NDRG4: variants seen among roughly 807,000 people sequenced by gnomAD.
The protein encoded by NDRG4 is NDRG family member 4.
A neutral mutation model predicts 55.8 loss-of-function variants in NDRG4; 38 were observed. That is an observed-to-expected ratio of 0.68 (90% CI 0.53 to 0.89). The LOEUF (loss-of-function observed/expected upper bound fraction) is 0.89, where lower values mean the gene tolerates loss of function less well. NDRG4 is among the 40% of genes least tolerant of loss of function. The pLI is 0.00. For synonymous variants in NDRG4, 190 were observed against 182.7 expected, an observed-to-expected ratio of 1.04 and a Z score of -0.32; for missense variants, 455 against 468.6, an observed-to-expected ratio of 0.97 and a Z score of 0.27.
At chr16:58,501,118 G>C in intron 1 of NDRG4, 1 of 1,196,140 alleles carries the variant, frequency 8.4e-7, no homozygotes, top group Non-Finnish European at 1.0e-6. Flanking sequence ...AGAGGCAGGG[G>C]CAGACTCACC....
At position 58,510,669 on chromosome 16, in the gene NDRG4, T is replaced by G. The variant is rs1336386282; in HGVS notation, c.890T>G (p.Leu297Arg). The G allele has an allele frequency of 2.0e-6, 3 of 1,535,882 alleles. No homozygotes were observed. The highest frequency in any genetic ancestry group is 1.7e-6 in the Non-Finnish European group (2 of 1,146,898). The stretch of plus-strand genomic sequence containing the variant: ...GTTGCGTACTTGAAGGACCGAAGGC[T>G]GAGTGGAGGAGCAGGTAGCCCCACG... Reference protein sequence around the residue: ...GYIAYLKDRRLSGGAVPSASM... With the variant: ...GYIAYLKDRRRSGGAVPSASM... The change falls in exon 14 of 15, where the codon CTG becomes CGG. Residue 297 changes from leucine to arginine, a missense_variant. Leu to Arg is a moderately radical substitution (Grantham distance 102, BLOSUM62 -2). Transcript: ENST00000570248.
intron 5 of NDRG4, 104 bp downstream of exon 5, chr16:58,504,753 G>A: frequency 1.6e-6 from 2 of 1,246,560 alleles, no homozygotes. Flanking sequence ...AAGTGTCCCT[G>A]CTCTCGCTTC....
intron 2 of NDRG4, among the ~76,000 whole-genome samples, chr16:58,491,797 A>G (rs544134449): frequency 6.6e-6 from 1 of 152,050 alleles, no homozygotes; most frequent in Non-Finnish European, 1.5e-5. Context: ...TTGTTTAGAG[A>G]TAAGTCTGGC....
At position 58,504,419 on chromosome 16, in the gene NDRG4, C is replaced by T. The variant is rs199725657; in HGVS notation, c.309C>T (p.Phe103=). The change falls in exon 4 of 15, where the codon TTC becomes TTT. Residue 103 remains phenylalanine (F), a splice_region_variant and synonymous_variant. Coordinates refer to ENST00000570248, the MANE Select transcript of NDRG4 (RefSeq NM_001242835.2). Reference sequence around the variant, plus strand: ...TGCTCCCCAGCGTGGTGCAGCATTTCGGGTGAGTCCCCGCACAGCCCCTGC... The same window carrying T: ...TGCTCCCCAGCGTGGTGCAGCATTTTGGGTGAGTCCCCGCACAGCCCCTGC... The part of the protein sequence containing the change: ...AAMLPSVVQH[F]GFKYVIGIGV... 179 of 1,612,228 alleles carry T rather than the reference C, an allele frequency of 1.1e-4. No individual in the cohort carries two copies. The East Asian group carries it at 1.1e-3, about 10-fold the overall frequency.
intron 1 of NDRG4, among the ~76,000 whole-genome samples, chr16:58,486,700 TACAC>T (rs56119933): frequency 0.079 from 10,167 of 127,926 alleles, 533 homozygotes; most frequent in East Asian, 0.18. Context: ...CACTGGCTCC[TACAC>T]ACACACACAC....
At chr16:58,482,295 T>C (rs1171935741) in intron 1 of NDRG4, among the ~76,000 whole-genome samples, 2 of 152,182 alleles carry the variant, frequency 1.3e-5, no homozygotes, top group East Asian at 3.8e-4. Context: ...CCTTCACCCC[T>C]GTGGTTGAAG....
intron 1 of NDRG4, among the ~76,000 whole-genome samples, chr16:58,471,501 CTG>C (rs2032817963): frequency 6.6e-6 from 1 of 152,034 alleles, no homozygotes; most frequent in African/African-American, 2.4e-5. Context: ...CACCATGACA[CTG>C]TTATATAAAC....
chr16:58,478,144 A>G (rs907988517), intron 1 of NDRG4, among the ~76,000 whole-genome samples: 1 of 152,130 alleles, frequency 6.6e-6, no homozygotes, highest in Non-Finnish European at 1.5e-5. Context: ...TAATCCCAGC[A>G]CTTTGAGAGG....
chr16:58,509,074 T>C, intron 11 of NDRG4, 65 bp downstream of exon 11: 1 of 1,613,902 alleles, frequency 6.2e-7, no homozygotes. Context: ...AGGGAGGTGT[T>C]TTCCTGGGGT....
At chr16:58,509,623 G>C (rs1323391673) in intron 13 of NDRG4, among the ~76,000 whole-genome samples, 1 of 151,986 alleles carries the variant, frequency 6.6e-6, no homozygotes, top group Non-Finnish European at 1.5e-5. Flanking sequence ...TGGGCCTACT[G>C]GGGGAAGGGA....
intron 1 of NDRG4, chr16:58,475,509 C>T (rs1289356359): frequency 1.2e-5 from 5 of 419,000 alleles, no homozygotes; most frequent in Non-Finnish European, 9.5e-6. Context: ...GGTGGGTCTC[C>T]AAGAAAAATA....
At position 58,506,275 on chromosome 16, in the gene NDRG4, A is replaced by T. The variant is rs781087735; in HGVS notation, c.373-112A>T. The T allele has an allele frequency of 6.9e-6, 7 of 1,011,402 alleles. No individual in the cohort carries two copies. The East Asian group carries it at 1.7e-4, about 24-fold the overall frequency. The allele number at this position is 1,011,402 out of a possible 1,614,324, so 62.7% of individuals were successfully genotyped here. A position where few individuals can be genotyped will look rare whatever the true frequency, so the allele number is the denominator to read the frequency against. ...TCTGGACATGGGTGTGCATGCACAGACCCGGCTGTAGCCGGGTGGCTGATC... is the reference window on the plus strand; with the variant it reads ...TCTGGACATGGGTGTGCATGCACAGTCCCGGCTGTAGCCGGGTGGCTGATC... On this transcript the variant is annotated intron_variant, in intron 5 of 14. Transcript: ENST00000570248.
intron 1 of NDRG4, among the ~76,000 whole-genome samples, chr16:58,480,186 T>A (rs2034224249): frequency 6.6e-6 from 1 of 152,222 alleles, no homozygotes; most frequent in Non-Finnish European, 1.5e-5. Context: ...AGTGGCACGA[T>A]CTAGGCTCAC....
At chr16:58,502,445 G>C (rs1887499373) in intron 1 of NDRG4, among the ~76,000 whole-genome samples, 2 of 152,322 alleles carry the variant, frequency 1.3e-5, no homozygotes, top group African/African-American at 2.4e-5. Flanking sequence ...GCAAGTCAAA[G>C]AGTGTTCTCC....
At position 58,464,537 on chromosome 16, in the gene NDRG4, G is replaced by C. The variant is rs919499051; in HGVS notation, c.-24+740G>C. 3.2e-6 allele frequency: 4 copies of C among 1,265,400 alleles called. No homozygotes were observed. Among genetic ancestry groups the C allele is most frequent in the Non-Finnish European group, 3.0e-6 (3 of 994,628 alleles). The allele number at this position is 1,265,400 out of a possible 1,614,324, so 78.4% of individuals were successfully genotyped here. A position where few individuals can be genotyped will look rare whatever the true frequency, so the allele number is the denominator to read the frequency against. On this transcript the variant is annotated intron_variant, in intron 1 of 15. Transcript: ENST00000258187. This position sits in a 1 kb window ranked among gnomAD's most constrained non-coding sequence, Gnocchi z 4.8. The stretch of plus-strand genomic sequence containing the variant: ...GAGCGGACTCCGGGCGCGGCGGCCG[G>C]GGACTGGGGCGGCTCGGGTCTGAGC...
rs1299275712 is a variant in NDRG4 at position 58,507,008 on chromosome 16, T to C, written c.613T>C (p.Tyr205His). Reference sequence around the variant, plus strand: ...CAACCTGCAGCTCTTCTGGAACATGTACAACAGGTGCGGGTGGGATCAGCA... The same window carrying C: ...CAACCTGCAGCTCTTCTGGAACATGCACAACAGGTGCGGGTGGGATCAGCA... ...QANLQLFWNM[Y>H]NSRRDLDINR... Residue 205 changes from tyrosine (Y) to histidine (H), a missense_variant, in exon 8 of 15, where the codon TAC (tyrosine) becomes CAC (histidine). Transcript: ENST00000570248. The C allele has an allele frequency of 5.0e-6, 8 of 1,613,104 alleles. No homozygotes were observed. Among genetic ancestry groups the C allele is most frequent in the East Asian group, 4.5e-5 (2 of 44,858 alleles).
rs2038989744 is a variant in NDRG4, at chr16:58,513,241, C to G, written c.*1665C>G. 6.6e-6 allele frequency: 1 copy of G among 151,976 alleles called. No homozygotes were observed. The highest frequency in any genetic ancestry group is 1.5e-5 in the Non-Finnish European group (1 of 68,026). 9.4% of individuals were successfully genotyped at this position (151,976 alleles called of 1,614,324 possible). On this transcript the variant is annotated 3_prime_UTR_variant, in exon 15 of 15. Coordinates refer to ENST00000570248, the MANE Select transcript of NDRG4 (RefSeq NM_001242835.2). ...TGTGGTGTTCTTCTGGAGGTTGTCT[C>G]TTTGGTCAAGGTGAACTTTTAATGT...
At chr16:58,485,558 A>G (rs548205782) in intron 1 of NDRG4, among the ~76,000 whole-genome samples, 3 of 152,280 alleles carry the variant, frequency 2.0e-5, no homozygotes, top group African/African-American at 7.2e-5. Flanking sequence ...CTGATGCGGA[A>G]GAGTTTTCCA....
In NDRG4 at chr16:58,504,210, C is replaced by T; in HGVS notation, c.184C>T (p.His62Tyr). 1 of 1,614,210 alleles carries T rather than the reference C, an allele frequency of 6.2e-7. No individual in the cohort carries two copies. Among genetic ancestry groups the T allele is most frequent in the Non-Finnish European group, 8.5e-7 (1 of 1,180,032 alleles). Residue 62 changes from histidine to tyrosine, a missense_variant, in exon 3 of 15, where the codon CAC becomes TAC. His to Tyr is a moderately conservative substitution (Grantham distance 83). Transcript: ENST00000570248. Reference sequence around the variant, plus strand: ...CGAGGACATGCAGGAGATCACCAAGCACTTTGTGGTGTGTCACGTGGATGC... The same window carrying T: ...CGAGGACATGCAGGAGATCACCAAGTACTTTGTGGTGTGTCACGTGGATGC... ...NFEDMQEITK[H>Y]FVVCHVDAPG...
Sources: allele counts gnomAD v4.1 joint callset (sites outside exome capture counted in the v4.1 genomes callset), GRCh38; gene constraint gnomAD v4.1.1; non-coding constraint Gnocchi (gnomAD v3.1); transcripts MANE v1.5; gene names NCBI Gene and HGNC (gene_info 2026-07-23, HGNC 2026-07-21).